Variants in PRKDC observed in about 807,000 individuals in gnomAD.
The protein encoded by PRKDC is DNA-dependent protein kinase catalytic subunit.
Under a neutral mutation model 486.9 loss-of-function variants are expected in PRKDC, and 82 were observed. That is an observed-to-expected ratio of 0.17 (90% CI 0.14 to 0.20). The LOEUF is 0.20. Among genes scored for constraint, PRKDC ranks in the 10% least tolerant of loss-of-function variants. The pLI, the probability that PRKDC is intolerant of heterozygous loss-of-function variation, is 1.00. For synonymous variants in PRKDC, 1,895 were observed against 1,837.0 expected (o/e 1.03, Z -0.81); for missense variants, 4,504 against 5,038.2 (o/e 0.89, Z 3.21).
chr8:47,888,639 A>G lies in PRKDC; in HGVS notation c.4292T>C (p.Leu1431Pro). 6.3e-7 allele frequency: 1 copy of G among 1,590,544 alleles called. No homozygotes were observed. The highest frequency in any genetic ancestry group is 1.2e-5 in the South Asian group (1 of 86,246). ...AGGGCCATACAAGTTGACGGCACAA[A>G]GCTCCTCAATGCTGGCCATGTGACA... ...EKITAQSIEELCAVNLYGPDA... is the reference protein window; with the variant it reads ...EKITAQSIEEPCAVNLYGPDA... Residue 1431 changes from leucine (L) to proline (P), a missense_variant, in exon 34 of 86, where the codon CTT becomes CCT. Physicochemically the swap from Leu to Pro is moderately conservative, Grantham distance 98. Around this residue, in one of 6 missense-constraint regions of PRKDC, gnomAD observed 1,969 missense variants for 2,068.9 expected, o/e 0.95. Transcript: ENST00000314191.
Position 47,816,175 on chromosome 8 carries a change from C to T in PRKDC, c.9557+1275G>A, listed in dbSNP as rs527493009. Among the ~76,000 whole-genome samples, 18 of 151,884 alleles carry T rather than the reference C, an allele frequency of 1.2e-4. No homozygotes were observed. The East Asian group carries it at 3.5e-3, about 29-fold the overall frequency. ...GTTGCAGTGAGCTGAGATTGTGCCA[C>T]CGCACTCCAGCCTGGGCAAAAAGAC... On this transcript the variant is annotated intron_variant, in intron 68 of 85. Transcript: ENST00000314191.
chr8:47,945,778 G>A (rs1289169193), intron 7 of PRKDC, among the ~76,000 whole-genome samples: 2 of 152,128 alleles, frequency 1.3e-5, no homozygotes, highest in African/African-American at 4.8e-5. Context: ...CTGGAGTGCA[G>A]TGGCACGATC....
At position 47,782,005 on chromosome 8, in the gene PRKDC, G is replaced by A. The variant is rs2086706767; in HGVS notation, c.11489+157C>T. ...TACGGTAAAATATCTGCAACTACTG[G>A]TTAGCAGCCAGCACTCCATTTGGTT... On this transcript the variant is annotated intron_variant, in intron 80 of 85. Transcript: ENST00000314191. This position sits in a 1 kb window ranked among gnomAD's most constrained non-coding sequence, Gnocchi z 4.9. Among the ~76,000 whole-genome samples the A allele has an allele frequency of 6.6e-6, 1 of 152,128 alleles. No homozygotes were observed. The highest frequency in any genetic ancestry group is 1.5e-5 in the Non-Finnish European group (1 of 68,038).
At chr8:47,784,856 A>G (rs2086764177) in intron 77 of PRKDC, among the ~76,000 whole-genome samples, 1 of 152,228 alleles carries the variant, frequency 6.6e-6, no homozygotes, top group African/African-American at 2.4e-5. Context: ...GCTGTTTACC[A>G]TTATTACCAA....
intron 34 of PRKDC, 87 bp from the exon 35 acceptor site, chr8:47,887,792 C>A: frequency 7.3e-7 from 1 of 1,370,950 alleles, no homozygotes; most frequent in South Asian, 1.5e-5. Flanking sequence ...ATAAAAAACC[C>A]ACTTCAGATA....
At chr8:47,849,349 G>C (rs2088350933) in intron 53 of PRKDC, 30 bp downstream of exon 53, 1 of 1,613,872 alleles carries the variant, frequency 6.2e-7, no homozygotes, top group East Asian at 2.2e-5. Flanking sequence ...GGACCCTCCT[G>C]CCCCGAAAGG....
Position 47,839,159 on chromosome 8 carries a change from G to A in PRKDC, c.7542C>T (p.Asn2514=), listed in dbSNP as rs1159008547. The A allele has an allele frequency of 7.4e-6, 12 of 1,612,538 alleles. No individual in the cohort carries two copies. The highest frequency in any genetic ancestry group is 1.0e-5 in the Non-Finnish European group (12 of 1,178,658). ...DVLIQGLIDE[N]PGLQLIIRNF... is the part of the protein sequence containing the mutation. ...AGTTATTCACGTACTGAAGTCCAGG[G>A]TTCTCATCGATCAATCCTTGAATCA... The change falls in exon 56 of 86, where the codon AAC becomes AAT. Residue 2514 remains asparagine, a synonymous_variant. Transcript: ENST00000314191.
rs577223115 is a variant in PRKDC, at chr8:47,833,518, C to T, written c.8152+678G>A. Among the ~76,000 whole-genome samples the T allele has an allele frequency of 6.4e-3, 974 of 152,172 alleles. 3 individuals carry two copies. The highest frequency in any genetic ancestry group is 9.5e-3 in the Non-Finnish European group (646 of 68,016). Reference sequence around the variant, plus strand: ...TGTTAGCCAAGACCAGGTCCTGGTGCCTGCCTCCAGTCCCCATCACTCCAC... The same window carrying T: ...TGTTAGCCAAGACCAGGTCCTGGTGTCTGCCTCCAGTCCCCATCACTCCAC... On this transcript the variant is annotated intron_variant, in intron 59 of 85. Coordinates refer to ENST00000314191, the MANE Select transcript of PRKDC (RefSeq NM_006904.7).
chr8:47,829,801 T>A (rs1300313070), intron 61 of PRKDC, among the ~76,000 whole-genome samples: 7 of 152,194 alleles, frequency 4.6e-5, no homozygotes, highest in Non-Finnish European at 1.0e-4. Flanking sequence ...GGGAAACACA[T>A]TCCATATTCA....
At chr8:47,825,043 G>A (rs1464692680) in intron 63 of PRKDC, among the ~76,000 whole-genome samples, 1 of 152,108 alleles carries the variant, frequency 6.6e-6, no homozygotes, top group Non-Finnish European at 1.5e-5. Context: ...AGAATGTTAG[G>A]GGTAATAAAT....
chr8:47,793,148 A>T (rs949318755), intron 74 of PRKDC, among the ~76,000 whole-genome samples: 11 of 152,206 alleles, frequency 7.2e-5, no homozygotes, highest in African/African-American at 2.7e-4. Context: ...CCTCCCAAGT[A>T]GTTGGTATTA....
In PRKDC at chr8:47,807,011, G is replaced by C. The variant is rs570880387; in HGVS notation, c.9747+126C>G. The C allele has an allele frequency of 1.6e-4, 159 of 991,226 alleles. 1 individual carries two copies. In the African/African-American group the frequency reaches 2.2e-3, roughly 14 times the overall value. 61.4% of individuals were successfully genotyped at this position (991,226 alleles called of 1,614,324 possible). On this transcript the variant is annotated intron_variant, in intron 69 of 85. Transcript: ENST00000314191. ...GCACCCGGCCAAGTTTACTTATAAA[G>C]AGAGAAAAAAAATAACACCTACCAA...
chr8:47,824,406 G>A (rs1055089641), intron 63 of PRKDC, among the ~76,000 whole-genome samples: 2 of 145,330 alleles, frequency 1.4e-5, no homozygotes, highest in African/African-American at 5.1e-5. Flanking sequence ...CCAGGAGGTG[G>A]AGGTTGCAGT....
At chr8:47,955,455 C>G (rs1456474932) in intron 4 of PRKDC, among the ~76,000 whole-genome samples, 12 of 128,438 alleles carry the variant, frequency 9.3e-5, no homozygotes, top group African/African-American at 3.6e-4. Flanking sequence ...GAGCGAGACT[C>G]CGTCTCAAAA....
At chr8:47,836,653 T>C in intron 57 of PRKDC, 126 bp from the exon 58 acceptor site, 1 of 867,684 alleles carries the variant, frequency 1.2e-6, no homozygotes, top group Non-Finnish European at 1.7e-6. Flanking sequence ...CATAACTTCA[T>C]ATGCAGCTGA....
intron 83 of PRKDC, 21 bp from the exon 84 acceptor site, chr8:47,777,895 G>A: frequency 6.2e-7 from 1 of 1,608,594 alleles, no homozygotes; most frequent in Non-Finnish European, 8.5e-7. Flanking sequence ...AAAAAGGCAA[G>A]GAGCAGAATA....
chr8:47,955,597 G>C (rs1489997668), intron 4 of PRKDC, among the ~76,000 whole-genome samples: 1 of 151,778 alleles, frequency 6.6e-6, no homozygotes, highest in Admixed American at 6.6e-5. Context: ...AAGCCAGTAA[G>C]GGTGATAAAT....
At position 47,890,376 on chromosome 8, in the gene PRKDC, C is replaced by T; in HGVS notation, c.3952G>A (p.Ala1318Thr). ...TCTTGTGGGCTTGTTCTGTTACCTG[C>T]TGCCCCAGTGCCAAAGCACTTTTCT... ...AAEKCFGTGA[A>T]GNRTSPQEGE... is the part of the protein sequence containing the mutation. Residue 1318 changes from alanine to threonine, a missense_variant, in exon 32 of 86, where the codon GCA (alanine) becomes ACA (threonine). Transcript: ENST00000314191. The T allele has an allele frequency of 6.2e-7, 1 of 1,612,342 alleles. No homozygotes were observed. The highest frequency in any genetic ancestry group is 8.5e-7 in the Non-Finnish European group (1 of 1,179,138).
intron 9 of PRKDC, among the ~76,000 whole-genome samples, 165 bp downstream of exon 9, chr8:47,943,688 C>T (rs2090483139): frequency 6.6e-6 from 1 of 152,218 alleles, no homozygotes; most frequent in South Asian, 2.1e-4. Context: ...ATCAGCATTT[C>T]AACCAGAGCT....
Sources: allele counts gnomAD v4.1 joint callset (sites outside exome capture counted in the v4.1 genomes callset), GRCh38; gene constraint gnomAD v4.1.1; regional missense constraint gnomAD v4.1.1; non-coding constraint Gnocchi (gnomAD v3.1); transcripts MANE v1.5; gene names NCBI Gene and HGNC (gene_info 2026-07-23, HGNC 2026-07-21).